The following SNTG1 variants were observed in gnomAD, a reference collection of about 807,000 sequenced individuals.
The protein encoded by SNTG1 is syntrophin gamma 1, also known as gamma-1-syntrophin.
SNTG1 carries 39 observed loss-of-function variants against 74.7 expected under a neutral mutation model. That is an observed-to-expected ratio of 0.52 (90% CI 0.40 to 0.68). The LOEUF (loss-of-function observed/expected upper bound fraction) is 0.68, where lower values mean the gene tolerates loss of function less well. SNTG1 is among the 30% of genes least tolerant of loss of function. The pLI is 0.00. For missense variants in SNTG1, 685 were observed against 609.5 expected (o/e 1.12, Z -1.30); for synonymous variants, 254 against 217.1 (o/e 1.17, Z -1.49).
intron 15 of SNTG1, among the ~76,000 whole-genome samples, chr8:50,692,098 A>G (rs1195853399): frequency 6.6e-6 from 1 of 152,128 alleles, no homozygotes; most frequent in Non-Finnish European, 1.5e-5. Flanking sequence ...TTTCAGCTCC[A>G]TCAGGTTCTT....
chr8:50,125,793 A>G (rs2081119665), intron 1 of SNTG1, among the ~76,000 whole-genome samples: 2 of 152,144 alleles, frequency 1.3e-5, no homozygotes, highest in South Asian at 2.1e-4. Context: ...CTGGGTGGCA[A>G]TCATATGCTG....
At chr8:50,224,707 C>T (rs771816260) in intron 2 of SNTG1, among the ~76,000 whole-genome samples, 4 of 152,136 alleles carry the variant, frequency 2.6e-5, no homozygotes, top group Non-Finnish European at 5.9e-5. Context: ...CCTTGTTATA[C>T]TTTCCTCCCT....
At chr8:50,479,614 C>T (rs1015897006) in intron 8 of SNTG1, among the ~76,000 whole-genome samples, 1 of 152,080 alleles carries the variant, frequency 6.6e-6, no homozygotes, top group African/African-American at 2.4e-5. Context: ...TCCATCCCAG[C>T]TTTATTCCAA....
chr8:49,946,682 G>A (rs1443148717), intron 1 of SNTG1, among the ~76,000 whole-genome samples: 1 of 152,064 alleles, frequency 6.6e-6, no homozygotes, highest in South Asian at 2.1e-4. Context: ...TGTAGTCAAA[G>A]TGGGCCGTCT....
chr8:49,929,342 A>C (rs1585539136), intron 1 of SNTG1, among the ~76,000 whole-genome samples: 3 of 152,336 alleles, frequency 2.0e-5, no homozygotes, highest in Middle Eastern at 3.4e-3. Flanking sequence ...ATATGCAGCC[A>C]CTGGCCTCTT....
At chr8:50,091,306 G>A (rs1481737640) in intron 1 of SNTG1, among the ~76,000 whole-genome samples, 2 of 151,638 alleles carry the variant, frequency 1.3e-5, no homozygotes, top group Admixed American at 6.6e-5. Context: ...TTGTGCGTGT[G>A]GTAAGAGCAC....
chr8:50,456,261 C>T (rs992121666), intron 8 of SNTG1, among the ~76,000 whole-genome samples: 3 of 152,144 alleles, frequency 2.0e-5, no homozygotes, highest in Admixed American at 6.5e-5. Flanking sequence ...TATTTGTCCT[C>T]TTATTTTTTG....
intron 17 of SNTG1, among the ~76,000 whole-genome samples, chr8:50,739,592 A>G (rs947658464): frequency 2.6e-5 from 4 of 151,776 alleles, no homozygotes; most frequent in African/African-American, 9.7e-5. Context: ...TGGGGGAGGG[A>G]TAGCATTACG....
intron 17 of SNTG1, among the ~76,000 whole-genome samples, chr8:50,713,079 G>A (rs2095466264): frequency 6.6e-6 from 1 of 152,158 alleles, no homozygotes; most frequent in South Asian, 2.1e-4. Context: ...TCACCACACT[G>A]TCTTCCACAA....
chr8:50,601,467 C>G (rs1403068476), intron 13 of SNTG1, among the ~76,000 whole-genome samples: 1 of 152,058 alleles, frequency 6.6e-6, no homozygotes, highest in Non-Finnish European at 1.5e-5. Context: ...TAATTTCATT[C>G]CATTGCAGTC....
At chr8:50,209,197 C>T (rs2084391435) in intron 2 of SNTG1, among the ~76,000 whole-genome samples, 2 of 152,036 alleles carry the variant, frequency 1.3e-5, no homozygotes, top group Non-Finnish European at 2.9e-5. Flanking sequence ...ATTGCTGAGG[C>T]TTGAGTAGAT....
At chr8:49,990,659 A>T (rs1813596556) in intron 1 of SNTG1, among the ~76,000 whole-genome samples, 1 of 152,164 alleles carries the variant, frequency 6.6e-6, no homozygotes, top group Admixed American at 6.5e-5. Context: ...AAACACCTAT[A>T]TTTATGGTAA....
At chr8:50,190,439 T>C (rs963851481) in intron 2 of SNTG1, among the ~76,000 whole-genome samples, 2 of 152,164 alleles carry the variant, frequency 1.3e-5, no homozygotes, top group South Asian at 2.1e-4. Context: ...GTTGATAACA[T>C]TGATAACATC....
At chr8:50,718,878 G>A (rs1381401821) in intron 17 of SNTG1, among the ~76,000 whole-genome samples, 3 of 152,190 alleles carry the variant, frequency 2.0e-5, no homozygotes, top group Non-Finnish European at 4.4e-5. Flanking sequence ...ATCTCTGTCA[G>A]TGGGCCAGCC....
At chr8:50,281,381 A>T (rs536357486) in intron 2 of SNTG1, among the ~76,000 whole-genome samples, 1 of 152,286 alleles carries the variant, frequency 6.6e-6, no homozygotes, top group Non-Finnish European at 1.5e-5. Flanking sequence ...GGGTTCATTC[A>T]GTTAGTAGGA....
At chr8:49,953,675 T>A (rs959492857) in intron 1 of SNTG1, among the ~76,000 whole-genome samples, 2 of 152,240 alleles carry the variant, frequency 1.3e-5, no homozygotes, top group African/African-American at 4.8e-5. Flanking sequence ...AGAATTAAGT[T>A]ACCTGAGACA....
In SNTG1 at chr8:50,346,290, A is replaced by G. The variant is rs992413216; in HGVS notation, c.-27-47922A>G. 2.0e-5 allele frequency among the ~76,000 whole-genome samples: 3 copies of G among 152,120 alleles called. 1 individual carries two copies. Among genetic ancestry groups the G allele is most frequent in the Admixed American group, 6.5e-5 (1 of 15,268 alleles). On this transcript the variant is annotated intron_variant, in intron 2 of 18. Coordinates refer to ENST00000642720, the MANE Select transcript of SNTG1 (RefSeq NM_018967.5). ...TATTTCAAACTATTTCGTTATTATT[A>G]TATCTGTTATGGGGATCTGGAATCC...
chr8:49,922,925 C>A (rs1806684946), intron 1 of SNTG1, among the ~76,000 whole-genome samples: 1 of 152,040 alleles, frequency 6.6e-6, no homozygotes, highest in African/African-American at 2.4e-5. Flanking sequence ...TCCTGTTTTT[C>A]TCCATAAATG....
chr8:49,955,855 G>GGCTT (rs1236955783), intron 1 of SNTG1, among the ~76,000 whole-genome samples: 2 of 152,126 alleles, frequency 1.3e-5, no homozygotes, highest in African/African-American at 4.8e-5. Flanking sequence ...GCTTTTCTCA[G>GGCTT]GCTTGTCGAT....
Sources: allele counts gnomAD v4.1 joint callset (sites outside exome capture counted in the v4.1 genomes callset), GRCh38; gene constraint gnomAD v4.1.1; transcripts MANE v1.5; gene names NCBI Gene and HGNC (gene_info 2026-07-23, HGNC 2026-07-21).